Variants in RSRC1 observed in about 807,000 individuals in gnomAD.
RSRC1 encodes serine/Arginine-related protein 53.
In RSRC1, 39 loss-of-function variants were observed where a neutral mutation model predicts 49.1. The observed-to-expected ratio is 0.79, with a 90% confidence interval of 0.61 to 1.04. The LOEUF (loss-of-function observed/expected upper bound fraction) is 1.04. RSRC1 is among the 50% of genes least tolerant of loss of function. The pLI, the probability that RSRC1 is intolerant of heterozygous loss-of-function variation, is 0.00. For missense variants in RSRC1, 388 were observed against 402.4 expected (o/e 0.96, Z 0.31); for synonymous variants, 143 against 130.8 (o/e 1.09, Z -0.63).
intron 3 of RSRC1, among the ~76,000 whole-genome samples, chr3:158,178,772 A>G (rs778304505): frequency 3.3e-4 from 50 of 152,268 alleles, no homozygotes; most frequent in Middle Eastern, 3.4e-3. Context: ...CGGCTAGCCA[A>G]TGAGAAGGAG....
intron 4 of RSRC1, among the ~76,000 whole-genome samples, chr3:158,289,948 C>T (rs960546874): frequency 1.3e-5 from 2 of 151,738 alleles, no homozygotes; most frequent in African/African-American, 4.9e-5. Flanking sequence ...TCCATCCATC[C>T]ATCCATCCAT....
At chr3:158,541,638 A>G (rs1334913509) in intron 8 of RSRC1, among the ~76,000 whole-genome samples, 2 of 152,208 alleles carry the variant, frequency 1.3e-5, no homozygotes, top group African/African-American at 4.8e-5. Context: ...AGAGAAGTGA[A>G]ATGTTCAGAA....
chr3:158,392,926 A>G (rs915651329), intron 6 of RSRC1, among the ~76,000 whole-genome samples: 1 of 151,988 alleles, frequency 6.6e-6, no homozygotes, highest in African/African-American at 2.4e-5. Context: ...CCAGTCAGCC[A>G]TAAGACAACT....
At chr3:158,320,200 A>T (rs1346008702) in intron 5 of RSRC1, among the ~76,000 whole-genome samples, 4 of 152,212 alleles carry the variant, frequency 2.6e-5, no homozygotes, top group African/African-American at 9.6e-5. Context: ...AATAATGTGA[A>T]TGAGAAGTTA....
At chr3:158,249,885 T>C (rs1261735163) in intron 4 of RSRC1, among the ~76,000 whole-genome samples, 1 of 152,182 alleles carries the variant, frequency 6.6e-6, no homozygotes, top group Admixed American at 6.5e-5. Flanking sequence ...ACTGTAGCGA[T>C]CCTCTTGTGC....
intron 4 of RSRC1, among the ~76,000 whole-genome samples, chr3:158,246,837 A>G (rs971166024): frequency 4.0e-5 from 6 of 151,874 alleles, no homozygotes; most frequent in Non-Finnish European, 5.9e-5. Context: ...TTGAACTTGG[A>G]TAATCTGATA....
intron 4 of RSRC1, among the ~76,000 whole-genome samples, chr3:158,291,832 T>C (rs1427047086): frequency 1.3e-5 from 2 of 152,228 alleles, no homozygotes; most frequent in Non-Finnish European, 2.9e-5. Context: ...GAAAAGTCAA[T>C]GACTTTCTGG....
At chr3:158,541,289 TA>T (rs1489714836) in intron 8 of RSRC1, among the ~76,000 whole-genome samples, 1 of 152,198 alleles carries the variant, frequency 6.6e-6, no homozygotes, top group Non-Finnish European at 1.5e-5. Flanking sequence ...CAATCTAAAG[TA>T]GATGTTTTTC....
intron 6 of RSRC1, among the ~76,000 whole-genome samples, chr3:158,455,779 C>T (rs1042840097): frequency 3.3e-5 from 5 of 151,634 alleles, no homozygotes; most frequent in Non-Finnish European, 7.4e-5. Context: ...CAGGAGTTCA[C>T]GACCAGCCTG....
intron 7 of RSRC1, among the ~76,000 whole-genome samples, chr3:158,513,955 G>A (rs1307159748): frequency 3.9e-5 from 6 of 152,118 alleles, no homozygotes; most frequent in South Asian, 2.1e-4. Flanking sequence ...CTGTGGGATC[G>A]GTGGTGATAT....
Position 158,132,898 on chromosome 3 carries a change from C to A in RSRC1, c.320+8907C>A, listed in dbSNP as rs77442811. ...AGAAAATGATTAAGTATGCCCAGTACGTTGGGATCAGCCTAGAAATAGACT... is the reference window on the plus strand; with the variant it reads ...AGAAAATGATTAAGTATGCCCAGTAAGTTGGGATCAGCCTAGAAATAGACT... On this transcript the variant is annotated intron_variant, in intron 3 of 9. Coordinates refer to ENST00000611884, the MANE Select transcript of RSRC1 (RefSeq NM_001271838.2). Among the ~76,000 whole-genome samples, 4 of 152,180 alleles carry A rather than the reference C, an allele frequency of 2.6e-5. No homozygotes were observed. The East Asian group carries it at 7.7e-4, about 29-fold the overall frequency.
chr3:158,261,940 T>G (rs535586483), intron 4 of RSRC1, among the ~76,000 whole-genome samples: 2 of 152,292 alleles, frequency 1.3e-5, no homozygotes, highest in South Asian at 4.1e-4. Flanking sequence ...ACTTGAATCA[T>G]CTTGAAACCG....
At chr3:158,515,821 C>G (rs1263604058) in intron 7 of RSRC1, among the ~76,000 whole-genome samples, 1 of 152,090 alleles carries the variant, frequency 6.6e-6, no homozygotes, top group East Asian at 1.9e-4. Context: ...TTTCTGTAAA[C>G]TTCCCTTCTT....
At chr3:158,345,295 C>T (rs531211795) in intron 5 of RSRC1, among the ~76,000 whole-genome samples, 20 of 151,740 alleles carry the variant, frequency 1.3e-4, no homozygotes, top group East Asian at 3.9e-4. Context: ...TTAATAATTA[C>T]GGTAAGTGTA....
chr3:158,537,105 G>A lies in RSRC1; in HGVS notation c.666G>A (p.Leu222=). The change falls in exon 8 of 10, where the codon CTG becomes CTA. Residue 222 remains leucine (L), a synonymous_variant. Transcript: ENST00000611884. ...KRRKEEDQAT[L]VEQVKRVKEI... Reference sequence around the variant, plus strand: ...CCTCTTTTTCAGACCAAGCCACCCTGGTAGAACAAGTAAAAAGAGTAAAAG... The same window carrying A: ...CCTCTTTTTCAGACCAAGCCACCCTAGTAGAACAAGTAAAAAGAGTAAAAG... 1.9e-6 allele frequency: 3 copies of A among 1,607,990 alleles called. No homozygotes were observed. The highest frequency in any genetic ancestry group is 2.6e-6 in the Non-Finnish European group (3 of 1,176,060).
In RSRC1 at chr3:158,477,801, TATATATATATATA is replaced by T. The variant is rs1738442106; in HGVS notation, c.652+16799_652+16811del. Among the ~76,000 whole-genome samples the T allele has an allele frequency of 3.2e-4, 26 of 80,632 alleles. 3 individuals carry two copies. Among genetic ancestry groups the T allele is most frequent in the African/African-American group, 9.3e-4 (21 of 22,688 alleles). The allele number at this position is 80,632 out of a possible 152,430, so 52.9% of individuals were successfully genotyped here. A position where few individuals can be genotyped will look rare whatever the true frequency, so the allele number is the denominator to read the frequency against. On this transcript the variant is annotated intron_variant, in intron 7 of 9. Transcript: ENST00000611884. ...TGGGATAGGTTGCGGGAGGGATTTA[TATATATATATATA>T]TATATATATATATGAAAGCCCTATG...
At chr3:158,110,963 A>G (rs2108144450) in intron 1 of RSRC1, among the ~76,000 whole-genome samples, 1 of 152,332 alleles carries the variant, frequency 6.6e-6, no homozygotes, top group Non-Finnish European at 1.5e-5. Flanking sequence ...CTTTAAATGC[A>G]CACTGGAAAC....
Position 158,544,796 on chromosome 3 carries a change from T to G in RSRC1, c.*521T>G, listed in dbSNP as rs1389793541. 2.6e-5 allele frequency: 4 copies of G among 152,234 alleles called. No individual in the cohort carries two copies. Among genetic ancestry groups the G allele is most frequent in the African/African-American group, 9.6e-5 (4 of 41,454 alleles). The allele number at this position is 152,234 out of a possible 1,614,324, so 9.4% of individuals were successfully genotyped here. A position where few individuals can be genotyped will look rare whatever the true frequency, so the allele number is the denominator to read the frequency against. ...AGAACATATTTATGGAAAAAAAATT[T>G]TTGAAACTTAAATAAATTGGTGATT... On this transcript the variant is annotated 3_prime_UTR_variant, in exon 10 of 10. Transcript: ENST00000611884.
intron 5 of RSRC1, among the ~76,000 whole-genome samples, chr3:158,335,418 T>C (rs1729830282): frequency 6.6e-6 from 1 of 152,118 alleles, no homozygotes; most frequent in South Asian, 2.1e-4. Context: ...GCTATGAGTA[T>C]GAAAATGGTT....
Sources: gnomAD v4.1 joint callset for allele counts (sites outside exome capture counted in the v4.1 genomes callset) on GRCh38, gnomAD v4.1.1 for gene constraint, MANE v1.5 for transcripts, NCBI Gene and HGNC (gene_info 2026-07-23, HGNC 2026-07-21) for gene names.